CAMK2D: variants seen among roughly 807,000 people sequenced by gnomAD.
CAMK2D encodes the protein calcium/calmodulin dependent protein kinase II delta, also known as calcium/calmodulin-dependent protein kinase type II subunit delta.
A neutral mutation model predicts 84.0 loss-of-function variants in CAMK2D; 37 were observed. The observed-to-expected ratio is 0.44, with a 90% CI of 0.34 to 0.58. The LOEUF is 0.58. CAMK2D is among the 20% of genes least tolerant of loss of function. CAMK2D has a pLI of 0.02. For missense variants in CAMK2D, 448 were observed against 652.5 expected, an observed-to-expected ratio of 0.69 and a Z score of 3.41; for synonymous variants, 202 against 212.5, an observed-to-expected ratio of 0.95 and a Z score of 0.43.
At chr4:113,483,182 C>T (rs533729873) in intron 16 of CAMK2D, among the ~76,000 whole-genome samples, 22 of 152,260 alleles carry the variant, frequency 1.4e-4, no homozygotes. Flanking sequence ...GAAGAGGATA[C>T]TATAAAACTA....
In CAMK2D at chr4:113,737,994, G is replaced by A. The variant is rs186156522; in HGVS notation, c.160+21326C>T. On this transcript the variant is annotated intron_variant, in intron 2 of 20. Coordinates refer to ENST00000511664, the MANE Select transcript of CAMK2D (RefSeq NM_001321571.2). Reference sequence around the variant, plus strand: ...AGCCATAGTCACATGGTAAACATGCGCCTAAGACAATGTGCCTTTCAGGTT... The same window carrying A: ...AGCCATAGTCACATGGTAAACATGCACCTAAGACAATGTGCCTTTCAGGTT... Among the ~76,000 whole-genome samples the A allele has an allele frequency of 1.7e-4, 26 of 152,076 alleles. No individual in the cohort carries two copies. In the East Asian group the frequency reaches 1.7e-3, roughly 10 times the overall value.
rs1268596545 is a variant in CAMK2D, at chr4:113,492,738, G to C, written c.1135+7725C>G. 5.5e-5 allele frequency among the ~76,000 whole-genome samples: 8 copies of C among 145,634 alleles called. No homozygotes were observed. In the South Asian group the frequency reaches 1.5e-3, roughly 28 times the overall value. ...CGTTGATCTGTCTAATGTTGAGAGT[G>C]GGGTGTTAAAGTCTCCCATTATTAA... On this transcript the variant is annotated intron_variant, in intron 16 of 20. Transcript: ENST00000511664.
chr4:113,491,602 C>A (rs1450156493), intron 16 of CAMK2D, among the ~76,000 whole-genome samples: 2 of 152,024 alleles, frequency 1.3e-5, no homozygotes, highest in Non-Finnish European at 2.9e-5. Context: ...GTCTAAAATT[C>A]TCTTTTTTTG....
At chr4:113,495,914 G>A (rs1052990522) in intron 16 of CAMK2D, among the ~76,000 whole-genome samples, 8 of 152,154 alleles carry the variant, frequency 5.3e-5, no homozygotes, top group East Asian at 1.9e-4. Context: ...GCATACAGGA[G>A]CCCAACTTCA....
rs1553974019 is a variant in CAMK2D at position 113,581,528 on chromosome 4, A to AG, written c.275+27623_275+27624insC. On this transcript the variant is annotated intron_variant, in intron 4 of 20. Coordinates refer to ENST00000511664, the MANE Select transcript of CAMK2D (RefSeq NM_001321571.2). ...AACTTTCTCATAAAAAAAAAAAAAA[A>AG]AAAAAGAAAAGAAAAGAAAAGAAAA... Among the ~76,000 whole-genome samples the AG allele has an allele frequency of 1.8e-3, 246 of 138,054 alleles. 2 individuals are homozygous for AG. Among genetic ancestry groups the AG allele is most frequent in the East Asian group, 3.6e-3 (15 of 4,214 alleles). The allele number at this position is 138,054 out of a possible 152,430, so 90.6% of individuals were successfully genotyped here.
chr4:113,730,228 T>C (rs2099561397), intron 2 of CAMK2D, among the ~76,000 whole-genome samples: 1 of 152,234 alleles, frequency 6.6e-6, no homozygotes. Context: ...TAACAGCAAA[T>C]TCATTTCAAC....
chr4:113,671,309 C>A (rs145678588), intron 2 of CAMK2D, among the ~76,000 whole-genome samples: 34 of 152,228 alleles, frequency 2.2e-4, no homozygotes, highest in Non-Finnish European at 4.4e-4. Context: ...TTTAAAGCAT[C>A]TGGAACATGC....
chr4:113,579,730 T>C (rs2098799544), intron 4 of CAMK2D, among the ~76,000 whole-genome samples: 1 of 152,234 alleles, frequency 6.6e-6, no homozygotes, highest in Non-Finnish European at 1.5e-5. Flanking sequence ...CTTTTTTCTT[T>C]ATAAATTATC....
rs79229264 is a variant in CAMK2D at position 113,566,382 on chromosome 4, A to C, written c.276-14286T>G. Among the ~76,000 whole-genome samples the C allele has an allele frequency of 4.0e-3, 604 of 152,242 alleles. 7 individuals are homozygous for C. Among genetic ancestry groups the C allele is most frequent in the African/African-American group, 0.014 (579 of 41,526 alleles). ...TACTGCTCTCACCTATGCCCAAATCATTGTCATTTTTTTTCTTTGACTCCT... is the reference window on the plus strand; with the variant it reads ...TACTGCTCTCACCTATGCCCAAATCCTTGTCATTTTTTTTCTTTGACTCCT... On this transcript the variant is annotated intron_variant, in intron 4 of 20. Transcript: ENST00000511664.
Position 113,581,796 on chromosome 4 carries a change from G to A in CAMK2D, c.275+27356C>T, listed in dbSNP as rs185526307. Among the ~76,000 whole-genome samples, 257 of 152,218 alleles carry A rather than the reference G, an allele frequency of 1.7e-3. 1 individual carries two copies. Among genetic ancestry groups the A allele is most frequent in the Non-Finnish European group, 3.1e-3 (208 of 68,012 alleles). ...GATTAAGAACATTAAATGTCATTGG[G>A]TAATTTTCCTGTCTTTTCATGAAAA... On this transcript the variant is annotated intron_variant, in intron 4 of 20. Transcript: ENST00000511664.
intron 3 of CAMK2D, among the ~76,000 whole-genome samples, chr4:113,610,370 T>C (rs1011166036): frequency 2.0e-5 from 3 of 152,206 alleles, no homozygotes; most frequent in African/African-American, 7.2e-5. Flanking sequence ...AATGATTTTC[T>C]ACTACAACCT....
intron 2 of CAMK2D, among the ~76,000 whole-genome samples, chr4:113,674,480 C>T (rs1366882748): frequency 6.6e-6 from 1 of 152,172 alleles, no homozygotes; most frequent in African/African-American, 2.4e-5. Flanking sequence ...CTTATTGCAA[C>T]TCTGCCTGGC....
intron 16 of CAMK2D, among the ~76,000 whole-genome samples, chr4:113,489,231 T>C (rs1006263401): frequency 2.0e-5 from 3 of 151,674 alleles, no homozygotes; most frequent in Admixed American, 1.3e-4. Context: ...GCTGGTGCGC[T>C]GCACCCACTA....
chr4:113,463,234 T>C (rs1227814755), intron 17 of CAMK2D, among the ~76,000 whole-genome samples: 2 of 152,132 alleles, frequency 1.3e-5, no homozygotes, highest in Non-Finnish European at 2.9e-5. Context: ...ATAAAAGTAA[T>C]ACTTGCTTAT....
chr4:113,522,305 A>C (rs2098370932), intron 8 of CAMK2D, among the ~76,000 whole-genome samples: 1 of 152,248 alleles, frequency 6.6e-6, no homozygotes, highest in African/African-American at 2.4e-5. Context: ...ATAAAGGGGT[A>C]CATTATAAAC....
At chr4:113,531,379 G>T in intron 7 of CAMK2D, 80 bp from the exon 8 acceptor site, 1 of 765,974 alleles carries the variant, frequency 1.3e-6, no homozygotes, top group Non-Finnish European at 2.4e-6. Flanking sequence ...GAAAAATATC[G>T]GGGGCTTCTT....
chr4:113,659,688 T>G (rs1164631158), intron 3 of CAMK2D, among the ~76,000 whole-genome samples: 4 of 152,192 alleles, frequency 2.6e-5, no homozygotes, highest in Non-Finnish European at 5.9e-5. Flanking sequence ...AAAATAAATT[T>G]CTGTTGCTTA....
intron 16 of CAMK2D, among the ~76,000 whole-genome samples, chr4:113,484,326 A>C (rs548774671): frequency 1.5e-4 from 23 of 152,288 alleles, no homozygotes; most frequent in Admixed American, 3.3e-4. Flanking sequence ...AAATGTCTCT[A>C]TCTCTCTCTA....
chr4:113,466,206 G>A (rs1201337147), intron 16 of CAMK2D, among the ~76,000 whole-genome samples: 1 of 151,584 alleles, frequency 6.6e-6, no homozygotes, highest in East Asian at 1.9e-4. Flanking sequence ...GCAGTGAGCC[G>A]AGATCACGCC....
Sources: allele counts gnomAD v4.1 joint callset (sites outside exome capture counted in the v4.1 genomes callset), GRCh38; gene constraint gnomAD v4.1.1; transcripts MANE v1.5; gene names NCBI Gene and HGNC (gene_info 2026-07-23, HGNC 2026-07-21).